Variants in SLIT2 observed in about 807,000 individuals in gnomAD.
SLIT2 encodes the protein slit homolog 2 protein.
A neutral mutation model predicts 185.7 loss-of-function variants in SLIT2; 41 were observed. That is an observed-to-expected ratio of 0.22 (90% confidence interval 0.17 to 0.29). SLIT2 has a LOEUF of 0.29. Among genes scored for constraint, SLIT2 ranks in the 10% least tolerant of loss-of-function variants. The probability of loss-of-function intolerance (pLI) is 1.00; values close to 1 mark genes in which losing one functional copy is unlikely to be tolerated. For synonymous variants in SLIT2, 693 were observed against 680.2 expected, an observed-to-expected ratio of 1.02 and a Z score of -0.29; for missense variants, 1,571 against 1,909.0, an observed-to-expected ratio of 0.82 and a Z score of 3.30.
At chr4:20,259,720 C>T (rs964427662) in intron 3 of SLIT2, among the ~76,000 whole-genome samples, 1 of 151,782 alleles carries the variant, frequency 6.6e-6, no homozygotes, top group African/African-American at 2.4e-5. Context: ...GGGAATGTCA[C>T]TTCATCTCAG....
intron 4 of SLIT2, among the ~76,000 whole-genome samples, chr4:20,423,866 T>A (rs1361359868): frequency 6.6e-6 from 1 of 152,140 alleles, no homozygotes; most frequent in African/African-American, 2.4e-5. Flanking sequence ...GAGTTTTAAG[T>A]GTCACTTTGC....
rs545571184 is a variant in SLIT2 at position 20,582,109 on chromosome 4, G to A, written c.3089-7535G>A. Among the ~76,000 whole-genome samples the A allele has an allele frequency of 3.9e-5, 6 of 152,244 alleles. No individual in the cohort carries two copies. In the East Asian group the frequency reaches 7.7e-4, roughly 20 times the overall value. ...TGCCCCGACTCAAAACCTTTCAGTG[G>A]GAGCCTATTATTCATAGAATGAAGA... On this transcript the variant is annotated intron_variant, in intron 29 of 36. Coordinates refer to ENST00000504154, the MANE Select transcript of SLIT2 (RefSeq NM_004787.4).
chr4:20,398,082 T>C (rs1021161631), intron 4 of SLIT2, among the ~76,000 whole-genome samples: 2 of 151,758 alleles, frequency 1.3e-5, no homozygotes, highest in African/African-American at 4.8e-5. Context: ...TAGTGTGAGA[T>C]TGTGGCTCTC....
chr4:20,435,182 A>G (rs991174016), intron 4 of SLIT2, among the ~76,000 whole-genome samples: 1 of 152,212 alleles, frequency 6.6e-6, no homozygotes, highest in African/African-American at 2.4e-5. Context: ...GTTGTGAGAA[A>G]GTGCTGTATG....
At chr4:20,591,840 TAACTG>T (rs1727544819) in intron 30 of SLIT2, among the ~76,000 whole-genome samples, 1 of 152,102 alleles carries the variant, frequency 6.6e-6, no homozygotes, top group South Asian at 2.1e-4. Context: ...TAGTAAGACT[TAACTG>T]AAACTATTAG....
At chr4:20,331,260 A>C (rs888940589) in intron 4 of SLIT2, among the ~76,000 whole-genome samples, 1 of 152,172 alleles carries the variant, frequency 6.6e-6, no homozygotes, top group South Asian at 2.1e-4. Flanking sequence ...TATTGATGCT[A>C]TCTGGAGGTA....
chr4:20,468,791 G>A (rs1470202462), intron 5 of SLIT2, among the ~76,000 whole-genome samples: 8 of 151,454 alleles, frequency 5.3e-5, no homozygotes, highest in Admixed American at 1.3e-4. Context: ...AATAAACAGG[G>A]CAGGCACTTT....
At chr4:20,294,718 A>G (rs1716299727) in intron 4 of SLIT2, among the ~76,000 whole-genome samples, 2 of 152,200 alleles carry the variant, frequency 1.3e-5, no homozygotes. Context: ...TATGGATGAA[A>G]AAGCTGAAGA....
chr4:20,401,415 C>T (rs1414653956), intron 4 of SLIT2, among the ~76,000 whole-genome samples: 1 of 151,890 alleles, frequency 6.6e-6, no homozygotes, highest in Non-Finnish European at 1.5e-5. Context: ...CTGCTTTGTG[C>T]TTCATTTGCT....
chr4:20,469,509 A>G (rs1206516601), intron 5 of SLIT2, among the ~76,000 whole-genome samples: 3 of 152,102 alleles, frequency 2.0e-5, no homozygotes, highest in Middle Eastern at 3.2e-3. Flanking sequence ...AACAGAAGCT[A>G]GTCAGTGTTC....
intron 33 of SLIT2, among the ~76,000 whole-genome samples, chr4:20,599,742 A>G (rs1253002650): frequency 6.6e-6 from 1 of 152,166 alleles, no homozygotes; most frequent in Non-Finnish European, 1.5e-5. Flanking sequence ...TTTTAATACT[A>G]TATATAATGA....
At chr4:20,536,072 ATCT>A (rs1386583908) in intron 18 of SLIT2, among the ~76,000 whole-genome samples, 1 of 152,194 alleles carries the variant, frequency 6.6e-6, no homozygotes, top group Non-Finnish European at 1.5e-5. Flanking sequence ...GTATTTGTGT[ATCT>A]AAACATACTA....
chr4:20,493,823 T>C (rs1398371227), intron 9 of SLIT2, among the ~76,000 whole-genome samples: 1 of 152,134 alleles, frequency 6.6e-6, no homozygotes, highest in East Asian at 1.9e-4. Flanking sequence ...TGTGTAGAAA[T>C]AACACTGAGC....
intron 6 of SLIT2, 25 bp downstream of exon 6, chr4:20,480,812 C>G (rs765097759): frequency 1.9e-6 from 3 of 1,557,538 alleles, no homozygotes; most frequent in South Asian, 1.1e-5. Context: ...TTCTCTTGCT[C>G]TTTTAACGGG....
chr4:20,314,757 T>A (rs974865120), intron 4 of SLIT2, among the ~76,000 whole-genome samples: 1 of 152,116 alleles, frequency 6.6e-6, no homozygotes, highest in Non-Finnish European at 1.5e-5. Flanking sequence ...GAAAAAATGA[T>A]GTTAACAGGT....
intron 4 of SLIT2, among the ~76,000 whole-genome samples, chr4:20,305,837 C>A (rs1384414850): frequency 3.3e-5 from 5 of 150,632 alleles, no homozygotes; most frequent in Admixed American, 2.6e-4. Context: ...AATGCCACTG[C>A]ACTCTGGCCT....
At position 20,548,096 on chromosome 4, in the gene SLIT2, G is replaced by A. The variant is rs563745844; in HGVS notation, c.2346-392G>A. On this transcript the variant is annotated intron_variant, in intron 22 of 36. Coordinates refer to ENST00000504154, the MANE Select transcript of SLIT2 (RefSeq NM_004787.4). ...TGAAGATAAGGGTTTATTTCCCACCGGCAAAATTTTGTCTATCGCAAGTCA... is the reference window on the plus strand; with the variant it reads ...TGAAGATAAGGGTTTATTTCCCACCAGCAAAATTTTGTCTATCGCAAGTCA... Among the ~76,000 whole-genome samples, 24 of 152,062 alleles carry A rather than the reference G, an allele frequency of 1.6e-4. No individual in the cohort carries two copies. In the South Asian group the frequency reaches 3.7e-3, roughly 24 times the overall value.
chr4:20,259,934 T>C (rs1398916074), intron 3 of SLIT2, among the ~76,000 whole-genome samples: 1 of 151,858 alleles, frequency 6.6e-6, no homozygotes, highest in Non-Finnish European at 1.5e-5. Context: ...TGGAAGCACA[T>C]TGTTATCTGA....
At chr4:20,599,389 A>G (rs1335390245) in intron 33 of SLIT2, among the ~76,000 whole-genome samples, 2 of 152,188 alleles carry the variant, frequency 1.3e-5, no homozygotes, top group Non-Finnish European at 2.9e-5. Context: ...AGGGATCACA[A>G]ACTCCTAAGT....
Sources: allele counts gnomAD v4.1 joint callset (sites outside exome capture counted in the v4.1 genomes callset), GRCh38; gene constraint gnomAD v4.1.1; transcripts MANE v1.5; gene names NCBI Gene and HGNC (gene_info 2026-07-23, HGNC 2026-07-21).